Variants in SORL1 observed in about 807,000 individuals in gnomAD.
The protein encoded by SORL1 is sortilin related receptor 1, also known as sortilin-related receptor.
In SORL1, 127 loss-of-function variants were observed where a neutral mutation model predicts 273.7. The observed-to-expected ratio is 0.46, with a 90% CI of 0.40 to 0.54. SORL1 has a LOEUF of 0.54. SORL1 is among the 20% of genes least tolerant of loss of function. SORL1 has a pLI of 0.00. For synonymous variants in SORL1, 1,031 were observed against 1,067.4 expected, an observed-to-expected ratio of 0.97 and a Z score of 0.66; for missense variants, 2,494 against 2,846.1, an observed-to-expected ratio of 0.88 and a Z score of 2.81.
intron 1 of SORL1, among the ~76,000 whole-genome samples, chr11:121,458,083 CAG>C (rs1284524274): frequency 3.9e-5 from 6 of 152,190 alleles, no homozygotes; most frequent in Non-Finnish European, 7.3e-5. Context: ...TGGAGGGACA[CAG>C]GGGGCAGTCT....
chr11:121,543,845 G>A (rs1862384031), intron 13 of SORL1, 119 bp downstream of exon 13: 2 of 887,568 alleles, frequency 2.3e-6, no homozygotes, highest in Non-Finnish European at 3.4e-6. Flanking sequence ...GGGGGAGATG[G>A]GCCCATAAGA....
intron 33 of SORL1, among the ~76,000 whole-genome samples, chr11:121,604,693 G>A (rs888708590): frequency 5.3e-5 from 8 of 152,086 alleles, no homozygotes; most frequent in Non-Finnish European, 1.0e-4. Context: ...TGGACTTGTA[G>A]CATTCTCTAT....
At chr11:121,495,989 TAA>T (rs1409544529) in intron 5 of SORL1, among the ~76,000 whole-genome samples, 1 of 152,218 alleles carries the variant, frequency 6.6e-6, no homozygotes, top group African/African-American at 2.4e-5. Context: ...CATAAAGGAA[TAA>T]GACTGATTCT....
chr11:121,614,830 C>T, intron 40 of SORL1, 41 bp from the exon 41 acceptor site: 1 of 1,563,868 alleles, frequency 6.4e-7, no homozygotes, highest in Non-Finnish European at 8.8e-7. Flanking sequence ...TGACTAACAC[C>T]CCCAACTTCC....
At chr11:121,533,169 A>G (rs576718829) in intron 12 of SORL1, among the ~76,000 whole-genome samples, 1 of 152,278 alleles carries the variant, frequency 6.6e-6, no homozygotes, top group South Asian at 2.1e-4. Flanking sequence ...AGCAATAATA[A>G]TAATAATAAT....
chr11:121,511,257 A>G (rs1430951012), intron 6 of SORL1, among the ~76,000 whole-genome samples: 2 of 152,224 alleles, frequency 1.3e-5, no homozygotes, highest in East Asian at 3.9e-4. Flanking sequence ...ATATATTCTT[A>G]ATACTCAGGC....
At chr11:121,614,687 C>T (rs1421247913) in intron 40 of SORL1, 184 bp from the exon 41 acceptor site, 2 of 567,404 alleles carry the variant, frequency 3.5e-6, no homozygotes, top group Non-Finnish European at 6.1e-6. Flanking sequence ...CAGTGTGTTA[C>T]GTACCGTCAT....
At chr11:121,602,022 A>T (rs373546824) in intron 32 of SORL1, among the ~76,000 whole-genome samples, 1 of 152,198 alleles carries the variant, frequency 6.6e-6, no homozygotes, top group Middle Eastern at 3.2e-3. Context: ...TCTGTTTTAC[A>T]TATCCCCATA....
chr11:121,462,042 T>C (rs1565300035), intron 1 of SORL1, among the ~76,000 whole-genome samples: 1 of 152,128 alleles, frequency 6.6e-6, no homozygotes, highest in Non-Finnish European at 1.5e-5. Flanking sequence ...CTTGAAAAGG[T>C]GAAGTGACTT....
chr11:121,595,589 T>A lies in SORL1; in HGVS notation c.4370-34T>A. 1.9e-6 allele frequency: 3 copies of A among 1,543,164 alleles called. No homozygotes were observed. The highest frequency in any genetic ancestry group is 2.6e-6 in the Non-Finnish European group (3 of 1,144,148). The stretch of plus-strand genomic sequence containing the variant: ...CTGTTATTGGCCAGCTCCCTCAATA[T>A]TAAAAAGTAAATTTTAAAAATCTTT... On this transcript the variant is annotated intron_variant, in intron 31 of 47. Coordinates refer to ENST00000260197, the MANE Select transcript of SORL1 (RefSeq NM_003105.6). The surrounding 1 kb of genome is among the most constrained non-coding windows in gnomAD (Gnocchi z 5.1).
At position 121,478,258 on chromosome 11, in the gene SORL1, A is replaced by G. The variant is rs1378503916; in HGVS notation, c.528+15A>G. ...ACAACAAGCGGGTAAGGAAGTGGCC[A>G]TCCCTCCTGTCCCGACTTCATGGGA... is the stretch of plus-strand genomic sequence containing the variant. On this transcript the variant is annotated intron_variant, in intron 3 of 47. Coordinates refer to ENST00000260197, the MANE Select transcript of SORL1 (RefSeq NM_003105.6). 2.5e-6 allele frequency: 4 copies of G among 1,613,248 alleles called. 1 individual carries two copies. In the South Asian group the frequency reaches 4.4e-5, roughly 18 times the overall value.
Position 121,497,023 on chromosome 11 carries a change from A to G in SORL1, c.913A>G (p.Lys305Glu). 6.2e-7 allele frequency: 1 copy of G among 1,614,022 alleles called. No individual in the cohort carries two copies. The highest frequency in any genetic ancestry group is 8.5e-7 in the Non-Finnish European group (1 of 1,180,012). ...AGTGAGAGATTTTCAGCTTCGGGAC[A>G]AGTACATGTTTGCTACAAAGGTGGT... ...EEVRDFQLRD[K>E]YMFATKVVHL... Residue 305 changes from lysine (K) to glutamate (E), a missense_variant, in exon 6 of 48, where the codon AAG becomes GAG. Lys to Glu is a moderately conservative substitution (Grantham distance 56). Around this residue, in one of 3 missense-constraint regions of SORL1, gnomAD observed 710 missense variants for 882.5 expected, o/e 0.80. Coordinates refer to ENST00000260197, the MANE Select transcript of SORL1 (RefSeq NM_003105.6).
chr11:121,535,011 C>T (rs1168065302), intron 12 of SORL1, among the ~76,000 whole-genome samples: 11 of 152,100 alleles, frequency 7.2e-5, no homozygotes, highest in African/African-American at 2.4e-4. Flanking sequence ...TATTTCTGCT[C>T]GATGTAGGTT....
intron 12 of SORL1, among the ~76,000 whole-genome samples, chr11:121,540,621 A>C (rs969591800): frequency 1.1e-4 from 17 of 151,976 alleles, no homozygotes; most frequent in African/African-American, 3.9e-4. Context: ...GTCAGAATTC[A>C]GTCCAAAATG....
chr11:121,605,677 C>A, intron 35 of SORL1, 106 bp downstream of exon 35: 2 of 889,942 alleles, frequency 2.2e-6, no homozygotes, highest in Non-Finnish European at 3.6e-6. Context: ...GTGTGCCTCA[C>A]ATGTACAGAA....
chr11:121,553,829 T>A (rs559003043), intron 16 of SORL1, 108 bp from the exon 17 acceptor site: 23 of 1,063,362 alleles, frequency 2.2e-5, no homozygotes, highest in Non-Finnish European at 2.9e-5. Context: ...CCACACCACA[T>A]GCCAATGAAT....
rs909732710 is a variant in SORL1 at position 121,574,886 on chromosome 11, C to T, written c.3460+523C>T. 3.3e-5 allele frequency among the ~76,000 whole-genome samples: 5 copies of T among 151,684 alleles called. No individual in the cohort carries two copies. The East Asian group carries it at 9.7e-4, about 29-fold the overall frequency. On this transcript the variant is annotated intron_variant, in intron 24 of 47. Coordinates refer to ENST00000260197, the MANE Select transcript of SORL1 (RefSeq NM_003105.6). ...TATTAACAGCTCTACAGGCTTGGCC[C>T]ACATGTCTCAGTGGGTGTGAGATTA...
At chr11:121,625,664 T>TA (rs772966796) in intron 46 of SORL1, among the ~76,000 whole-genome samples, 1 of 152,164 alleles carries the variant, frequency 6.6e-6, no homozygotes, top group Non-Finnish European at 1.5e-5. Flanking sequence ...ATTTTACATG[T>TA]AAAATCATAT....
intron 44 of SORL1, among the ~76,000 whole-genome samples, 161 bp downstream of exon 44, chr11:121,621,399 G>T (rs554968388): frequency 6.6e-6 from 1 of 152,242 alleles, no homozygotes; most frequent in South Asian, 2.1e-4. Flanking sequence ...AGAGGCTCCA[G>T]GGTCTGAGCC....
Sources: allele counts gnomAD v4.1 joint callset (sites outside exome capture counted in the v4.1 genomes callset), GRCh38; gene constraint gnomAD v4.1.1; regional missense constraint gnomAD v4.1.1; non-coding constraint Gnocchi (gnomAD v3.1); transcripts MANE v1.5; gene names NCBI Gene and HGNC (gene_info 2026-07-23, HGNC 2026-07-21).